The following CPNE8 variants were observed in gnomAD, a reference collection of about 807,000 sequenced individuals.
CPNE8 encodes copine-8.
Under a neutral mutation model 81.5 loss-of-function variants are expected in CPNE8, and 45 were observed. The observed-to-expected ratio is 0.55, with a 90% confidence interval of 0.44 to 0.71. The LOEUF is 0.71. Ranked by LOEUF, CPNE8 falls within the 30% of genes least tolerant of loss-of-function variation. CPNE8 has a pLI of 0.00. For synonymous variants in CPNE8, 252 were observed against 226.3 expected, an observed-to-expected ratio of 1.11 and a Z score of -1.02; for missense variants, 594 against 672.1, an observed-to-expected ratio of 0.88 and a Z score of 1.28.
intron 6 of CPNE8, among the ~76,000 whole-genome samples, chr12:38,822,135 A>C (rs1943118669): frequency 6.6e-6 from 1 of 152,164 alleles, no homozygotes; most frequent in South Asian, 2.1e-4. Context: ...AGTCTTTGCA[A>C]ATAAAAAAAT....
chr12:38,685,764 A>G, intron 15 of CPNE8, 147 bp from the exon 16 acceptor site: 4 of 642,774 alleles, frequency 6.2e-6, no homozygotes, highest in Non-Finnish European at 1.0e-5. Context: ...TAGCAAAAAA[A>G]TAATACATTA....
chr12:38,667,062 C>G (rs1939072301), intron 19 of CPNE8, among the ~76,000 whole-genome samples: 1 of 152,120 alleles, frequency 6.6e-6, no homozygotes, highest in Non-Finnish European at 1.5e-5. Flanking sequence ...CTATCTACTA[C>G]CCCCAATATT....
At chr12:38,841,612 G>T (rs1943468843) in intron 4 of CPNE8, among the ~76,000 whole-genome samples, 1 of 152,140 alleles carries the variant, frequency 6.6e-6, no homozygotes, top group Admixed American at 6.5e-5. Context: ...TCATAAATAA[G>T]CATCCTTATC....
intron 19 of CPNE8, among the ~76,000 whole-genome samples, chr12:38,657,494 TCCCTGTCTGACAG>T (rs1938847993): frequency 6.6e-6 from 1 of 152,082 alleles, no homozygotes; most frequent in African/African-American, 2.4e-5. Flanking sequence ...GACTTAAACA[TCCCTGTCTGACAG>T]CCCTGGAGAG....
chr12:38,815,282 C>T (rs1273114249), intron 6 of CPNE8, among the ~76,000 whole-genome samples: 4 of 152,086 alleles, frequency 2.6e-5, no homozygotes, highest in African/African-American at 9.7e-5. Context: ...TTTTTTCAAG[C>T]CCCCCAGCAC....
At chr12:38,760,804 A>T (rs1392307468) in intron 10 of CPNE8, 43 bp downstream of exon 10, 7 of 1,489,504 alleles carry the variant, frequency 4.7e-6, no homozygotes, top group Non-Finnish European at 6.5e-6. Context: ...GTGCCTCTTA[A>T]AGTACACCCA....
chr12:38,788,211 T>C (rs1376552298), intron 6 of CPNE8, among the ~76,000 whole-genome samples: 3 of 151,714 alleles, frequency 2.0e-5, no homozygotes, highest in Non-Finnish European at 4.4e-5. Flanking sequence ...CAAAAAACCT[T>C]AACAAAATAC....
chr12:38,727,056 A>T (rs184907860), intron 11 of CPNE8, among the ~76,000 whole-genome samples: 4 of 152,338 alleles, frequency 2.6e-5, no homozygotes, highest in Admixed American at 2.6e-4. Context: ...CTTTAGAATG[A>T]TAGAGTAAGG....
chr12:38,795,406 G>C (rs755996929), intron 6 of CPNE8, among the ~76,000 whole-genome samples: 1 of 152,140 alleles, frequency 6.6e-6, no homozygotes, highest in Non-Finnish European at 1.5e-5. Flanking sequence ...GCAGGGTCTT[G>C]AAGAGATATT....
chr12:38,783,078 C>A (rs1356377114), intron 6 of CPNE8, among the ~76,000 whole-genome samples: 2 of 152,148 alleles, frequency 1.3e-5, no homozygotes, highest in African/African-American at 2.4e-5. Flanking sequence ...TGTATTCTTA[C>A]ATTTTGAGAG....
chr12:38,791,013 C>G (rs568962942), intron 6 of CPNE8, among the ~76,000 whole-genome samples: 1 of 151,784 alleles, frequency 6.6e-6, no homozygotes, highest in East Asian at 1.9e-4. Flanking sequence ...CAGACTAGTA[C>G]CCATTTAATT....
chr12:38,669,694 C>G (rs1034161587), intron 19 of CPNE8, among the ~76,000 whole-genome samples: 9 of 152,150 alleles, frequency 5.9e-5, no homozygotes, highest in African/African-American at 9.7e-5. Flanking sequence ...ACAGATAAGA[C>G]AGCTTGAGCA....
At chr12:38,753,378 G>A (rs867382718) in intron 10 of CPNE8, among the ~76,000 whole-genome samples, 9 of 152,162 alleles carry the variant, frequency 5.9e-5, no homozygotes, top group South Asian at 2.1e-4. Flanking sequence ...CCTGAATCTG[G>A]GAAGCAGAGG....
chr12:38,859,759 T>C (rs1943802111), intron 3 of CPNE8, among the ~76,000 whole-genome samples: 1 of 152,096 alleles, frequency 6.6e-6, no homozygotes, highest in Admixed American at 6.5e-5. Context: ...AGCTCATAAA[T>C]AAATTCACAC....
At chr12:38,767,905 A>C (rs1275862756) in intron 7 of CPNE8, among the ~76,000 whole-genome samples, 167 bp from the exon 8 acceptor site, 1 of 152,178 alleles carries the variant, frequency 6.6e-6, no homozygotes, top group African/African-American at 2.4e-5. Flanking sequence ...GGGTTATATG[A>C]CTTTAAAAAT....
intron 10 of CPNE8, among the ~76,000 whole-genome samples, chr12:38,746,324 TG>T (rs900753603): frequency 6.6e-6 from 1 of 152,150 alleles, no homozygotes; most frequent in African/African-American, 2.4e-5. Context: ...TTACCATGAA[TG>T]GGGGAAAGAG....
At chr12:38,688,899 A>G (rs1181887544) in intron 15 of CPNE8, among the ~76,000 whole-genome samples, 2 of 152,228 alleles carry the variant, frequency 1.3e-5, no homozygotes, top group East Asian at 3.9e-4. Context: ...CTCAGAAATC[A>G]CCACTAAAGA....
chr12:38,847,606 C>T (rs1295472639), intron 4 of CPNE8, among the ~76,000 whole-genome samples: 2 of 152,074 alleles, frequency 1.3e-5, no homozygotes. Context: ...GAATACTCAA[C>T]ATTCCTGAAG....
chr12:38,724,377 T>G (rs1940644294), intron 12 of CPNE8, among the ~76,000 whole-genome samples: 1 of 152,208 alleles, frequency 6.6e-6, no homozygotes, highest in East Asian at 1.9e-4. Flanking sequence ...TTTTTTTATA[T>G]TTTTTGATAC....
Sources: allele counts gnomAD v4.1 joint callset (sites outside exome capture counted in the v4.1 genomes callset), GRCh38; gene constraint gnomAD v4.1.1; transcripts MANE v1.5; gene names NCBI Gene and HGNC (gene_info 2026-07-23, HGNC 2026-07-21).